HOOK3: variants seen among roughly 807,000 people sequenced by gnomAD.
HOOK3 encodes protein Hook homolog 3.
A neutral mutation model predicts 116.3 loss-of-function variants in HOOK3; 24 were observed. That is an observed-to-expected ratio of 0.21 (90% CI 0.15 to 0.29). The LOEUF (loss-of-function observed/expected upper bound fraction) is 0.29. Among genes scored for constraint, HOOK3 ranks in the 10% least tolerant of loss-of-function variants. The probability of loss-of-function intolerance (pLI) is 1.00; values close to 1 mark genes in which losing one functional copy is unlikely to be tolerated. For synonymous variants in HOOK3, 275 were observed against 283.0 expected, an observed-to-expected ratio of 0.97 and a Z score of 0.28; for missense variants, 632 against 830.2, an observed-to-expected ratio of 0.76 and a Z score of 2.93.
intron 15 of HOOK3, among the ~76,000 whole-genome samples, chr8:42,996,323 T>G (rs1358761106): frequency 2.8e-5 from 4 of 142,096 alleles, no homozygotes; most frequent in African/African-American, 1.1e-4. Context: ...GAGGCGGAGG[T>G]TGCAGTGAGC....
chr8:43,008,520 T>C (rs1035973029), intron 18 of HOOK3, among the ~76,000 whole-genome samples: 3 of 152,078 alleles, frequency 2.0e-5, no homozygotes, highest in African/African-American at 7.2e-5. Flanking sequence ...GATTTTGCCA[T>C]GTTGCCCAGG....
chr8:42,952,647 G>A (rs1021137785), intron 6 of HOOK3, among the ~76,000 whole-genome samples: 8 of 152,202 alleles, frequency 5.3e-5, no homozygotes, highest in African/African-American at 1.7e-4. Flanking sequence ...ACTGTGAATA[G>A]CAAAGACAAC....
intron 8 of HOOK3, among the ~76,000 whole-genome samples, chr8:42,960,445 C>T (rs1808514970): frequency 6.6e-6 from 1 of 152,212 alleles, no homozygotes; most frequent in Admixed American, 6.5e-5. Flanking sequence ...AAAACAGCAA[C>T]ACAGTCATAA....
intron 4 of HOOK3, among the ~76,000 whole-genome samples, 168 bp from the exon 5 acceptor site, chr8:42,943,145 A>G (rs1586602839): frequency 6.6e-6 from 1 of 151,962 alleles, no homozygotes. Flanking sequence ...GACTCAAGAT[A>G]GTTATGATTT....
chr8:43,027,845 T>C lies in HOOK3; in HGVS notation c.*9347T>C. Reference sequence around the variant, plus strand: ...CAGTCACATGTGGATAGTAGTTACCTATCAGACAGTACAGGTATAGAACAT... The same window carrying C: ...CAGTCACATGTGGATAGTAGTTACCCATCAGACAGTACAGGTATAGAACAT... On this transcript the variant is annotated 3_prime_UTR_variant, in exon 22 of 22. Coordinates refer to ENST00000307602, the MANE Select transcript of HOOK3 (RefSeq NM_032410.4). 4.9e-6 allele frequency: 1 copy of C among 202,430 alleles called. No homozygotes were observed. Among genetic ancestry groups the C allele is most frequent in the Non-Finnish European group, 1.0e-5 (1 of 98,458 alleles). The allele number at this position is 202,430 out of a possible 1,614,324, so 12.5% of individuals were successfully genotyped here. A position where few individuals can be genotyped will look rare whatever the true frequency, so the allele number is the denominator to read the frequency against.
chr8:42,901,856 G>A (rs1000574468), intron 1 of HOOK3, among the ~76,000 whole-genome samples: 8 of 151,930 alleles, frequency 5.3e-5, no homozygotes, highest in African/African-American at 1.5e-4. Context: ...TTACAGGCAC[G>A]CACCACCACG....
chr8:42,944,274 A>C (rs914354587), intron 5 of HOOK3, among the ~76,000 whole-genome samples: 4 of 151,228 alleles, frequency 2.6e-5, no homozygotes, highest in African/African-American at 9.7e-5. Flanking sequence ...AAATTAGCTG[A>C]GTGTGGAGGC....
intron 2 of HOOK3, among the ~76,000 whole-genome samples, chr8:42,907,899 G>A (rs945056497): frequency 6.8e-6 from 1 of 146,232 alleles, no homozygotes; most frequent in Non-Finnish European, 1.5e-5. Flanking sequence ...ACCTGACAAT[G>A]TGACGTTACA....
intron 4 of HOOK3, among the ~76,000 whole-genome samples, chr8:42,937,028 T>G (rs1807984701): frequency 6.6e-6 from 1 of 152,190 alleles, no homozygotes; most frequent in Non-Finnish European, 1.5e-5. Context: ...CCTGGGCTTT[T>G]TTTGGTTGGT....
intron 1 of HOOK3, among the ~76,000 whole-genome samples, chr8:42,898,294 T>C (rs1288372203): frequency 5.3e-5 from 8 of 152,228 alleles, no homozygotes; most frequent in Non-Finnish European, 7.3e-5. Flanking sequence ...ACAGACTTGG[T>C]AGAGCTTGAG....
intron 8 of HOOK3, among the ~76,000 whole-genome samples, chr8:42,959,645 G>A (rs1392150778): frequency 6.6e-6 from 1 of 150,436 alleles, no homozygotes; most frequent in Non-Finnish European, 1.5e-5. Flanking sequence ...CTTGAACCTG[G>A]GAGGCAGAGG....
intron 1 of HOOK3, among the ~76,000 whole-genome samples, chr8:42,900,244 T>G (rs947721021): frequency 6.6e-6 from 1 of 152,200 alleles, no homozygotes; most frequent in Non-Finnish European, 1.5e-5. Context: ...CTTGAAAATT[T>G]CCACTGTGCC....
chr8:42,981,306 G>T (rs150543261), intron 13 of HOOK3, among the ~76,000 whole-genome samples: 2,564 of 151,940 alleles, frequency 0.017, 27 homozygotes, highest in Middle Eastern at 0.027. Flanking sequence ...GCCCACCTCG[G>T]CCTCCCAAAG....
chr8:42,955,342 G>C (rs887524059), intron 6 of HOOK3, among the ~76,000 whole-genome samples: 1 of 152,188 alleles, frequency 6.6e-6, no homozygotes, highest in Non-Finnish European at 1.5e-5. Context: ...ATATGCCTGA[G>C]TCCTACAACT....
Position 43,021,071 on chromosome 8 carries a change from C to G in HOOK3, c.*2573C>G, listed in dbSNP as rs948981019. The G allele has an allele frequency of 2.9e-5, 5 of 169,792 alleles. No individual in the cohort carries two copies. Among genetic ancestry groups the G allele is most frequent in the Non-Finnish European group, 4.7e-5 (4 of 85,224 alleles). 10.5% of individuals were successfully genotyped at this position (169,792 alleles called of 1,614,324 possible). A position where few individuals can be genotyped will look rare whatever the true frequency, so the allele number is the denominator to read the frequency against. ...GAGCCGAGATGGCGCCATTGCACCC[C>G]AGCCTGGCGACAAGAGCGAAACTCT... On this transcript the variant is annotated 3_prime_UTR_variant, in exon 22 of 22. Coordinates refer to ENST00000307602, the MANE Select transcript of HOOK3 (RefSeq NM_032410.4).
intron 4 of HOOK3, among the ~76,000 whole-genome samples, chr8:42,942,940 A>G (rs1182653402): frequency 2.0e-5 from 3 of 152,316 alleles, no homozygotes; most frequent in African/African-American, 7.2e-5. Flanking sequence ...GCTAGTGAGA[A>G]TCTTACTGTT....
At chr8:42,988,754 C>T (rs896928104) in intron 15 of HOOK3, among the ~76,000 whole-genome samples, 2 of 152,192 alleles carry the variant, frequency 1.3e-5, no homozygotes, top group Non-Finnish European at 1.5e-5. Context: ...AAGACCCTGG[C>T]TGCCTGACTC....
chr8:42,913,707 C>T (rs1807478433), intron 2 of HOOK3, among the ~76,000 whole-genome samples: 1 of 152,114 alleles, frequency 6.6e-6, no homozygotes, highest in African/African-American at 2.4e-5. Context: ...AAACTGTTTC[C>T]AAAGCCAATG....
rs561210785 is a variant in HOOK3 at position 42,950,737 on chromosome 8, GTGCAGTGGTACAATC to G, written c.468+285_468+299del. Reference sequence around the variant, plus strand: ...GTCTCACTCTGTCACCCAGGCTAGAGTGCAGTGGTACAATCTGGGCTCACTGCAACTTCCACCTCC... The same window carrying G: ...GTCTCACTCTGTCACCCAGGCTAGAGTGGGCTCACTGCAACTTCCACCTCC... On this transcript the variant is annotated intron_variant, in intron 6 of 21. Transcript: ENST00000307602. Among the ~76,000 whole-genome samples the G allele has an allele frequency of 3.8e-3, 569 of 151,666 alleles. 6 individuals carry two copies. The highest frequency in any genetic ancestry group is 0.011 in the African/African-American group (464 of 41,302).
Sources: gnomAD v4.1 joint callset for allele counts (sites outside exome capture counted in the v4.1 genomes callset) on GRCh38, gnomAD v4.1.1 for gene constraint, MANE v1.5 for transcripts, NCBI Gene and HGNC (gene_info 2026-07-23, HGNC 2026-07-21) for gene names.